The following MICU1 variants were observed in gnomAD, a reference collection of about 807,000 sequenced individuals.
MICU1 encodes the protein mitochondrial calcium uptake 1.
In MICU1, 45 loss-of-function variants were observed where a neutral mutation model predicts 56.8. That is an observed-to-expected ratio of 0.79 (90% CI 0.62 to 1.02). MICU1 has a LOEUF of 1.02. Among genes scored for constraint, MICU1 ranks in the 50% least tolerant of loss-of-function variants. The pLI is 0.00. For missense variants in MICU1, 504 were observed against 587.1 expected (o/e 0.86, Z 1.46); for synonymous variants, 186 against 195.1 (o/e 0.95, Z 0.39).
At chr10:72,448,193 ATTTTTTTTT>A (rs71018289) in intron 8 of MICU1, among the ~76,000 whole-genome samples, 6 of 36,834 alleles carry the variant, frequency 1.6e-4, no homozygotes, top group Admixed American at 5.4e-4. Context: ...ATATATATAT[ATTTTTTTTT>A]TTTTTTTTTT....
At chr10:72,465,039 C>T (rs1016433830) in intron 8 of MICU1, among the ~76,000 whole-genome samples, 12 of 152,148 alleles carry the variant, frequency 7.9e-5, no homozygotes, top group African/African-American at 2.4e-4. Flanking sequence ...CTTGCTCTGT[C>T]GCCCAGGCTG....
intron 10 of MICU1, among the ~76,000 whole-genome samples, chr10:72,402,579 A>T (rs1399649291): frequency 1.3e-5 from 2 of 152,112 alleles, no homozygotes; most frequent in Admixed American, 6.6e-5. Context: ...AAAAACAAAA[A>T]ACAAAAAAAC....
chr10:72,540,741 C>T (rs1311709213), intron 4 of MICU1, among the ~76,000 whole-genome samples: 2 of 152,184 alleles, frequency 1.3e-5, no homozygotes, highest in Non-Finnish European at 2.9e-5. Context: ...TTACTTCCTT[C>T]CCACTGACCT....
At chr10:72,460,266 C>T (rs1438204448) in intron 8 of MICU1, among the ~76,000 whole-genome samples, 1 of 152,164 alleles carries the variant, frequency 6.6e-6, no homozygotes, top group Admixed American at 6.6e-5. Context: ...TGCTCTATTT[C>T]CCTAGAATGC....
intron 6 of MICU1, among the ~76,000 whole-genome samples, chr10:72,505,939 G>A (rs775092896): frequency 2.7e-5 from 4 of 149,828 alleles, no homozygotes; most frequent in Non-Finnish European, 3.0e-5. Context: ...AAACTTGTAC[G>A]TGTCCTCTCT....
chr10:72,422,289 G>C (rs1189676847), intron 9 of MICU1, among the ~76,000 whole-genome samples: 1 of 152,216 alleles, frequency 6.6e-6, no homozygotes, highest in Non-Finnish European at 1.5e-5. Flanking sequence ...GGCAGGAGGA[G>C]AGCTCTTATC....
chr10:72,549,053 A>G (rs1199312450), intron 4 of MICU1, among the ~76,000 whole-genome samples: 1 of 152,124 alleles, frequency 6.6e-6, no homozygotes, highest in Non-Finnish European at 1.5e-5. Context: ...TGATGGTTCT[A>G]TATAGTTTTT....
intron 8 of MICU1, among the ~76,000 whole-genome samples, chr10:72,462,054 C>G (rs563631801): frequency 6.6e-6 from 1 of 152,234 alleles, no homozygotes; most frequent in South Asian, 2.1e-4. Context: ...GTTATTTAGC[C>G]TCTTATTGCC....
intron 11 of MICU1, among the ~76,000 whole-genome samples, chr10:72,374,108 G>A (rs945358289): frequency 3.3e-5 from 5 of 152,168 alleles, no homozygotes; most frequent in African/African-American, 9.7e-5. Context: ...ATAGGCTGGA[G>A]ATTTATTTTA....
Position 72,373,352 on chromosome 10 carries a change from T to C in MICU1, c.1270+2431A>G, listed in dbSNP as rs967918090. Among the ~76,000 whole-genome samples, 7 of 151,942 alleles carry C rather than the reference T, an allele frequency of 4.6e-5. No homozygotes were observed. The South Asian group carries it at 1.5e-3, about 31-fold the overall frequency. ...CACTACCACACCTTGGCTAAACTTA[T>C]TTTTTGTAGCGATGGGATCTCGCTA... On this transcript the variant is annotated intron_variant, in intron 11 of 11. Transcript: ENST00000361114.
chr10:72,525,911 C>T (rs74148017), intron 5 of MICU1, among the ~76,000 whole-genome samples: 5,169 of 152,242 alleles, frequency 0.034, 285 homozygotes, highest in African/African-American at 0.11. Flanking sequence ...CTCTTCATCC[C>T]ACTCTATTAC....
intron 10 of MICU1, among the ~76,000 whole-genome samples, chr10:72,377,385 G>T (rs189789800): frequency 1.3e-5 from 2 of 152,214 alleles, no homozygotes; most frequent in Non-Finnish European, 2.9e-5. Flanking sequence ...CTCTCAAAGT[G>T]CTGGGATTAC....
intron 5 of MICU1, chr10:72,531,725 T>TA (rs1333427189): frequency 6.7e-6 from 1 of 148,402 alleles, no homozygotes; most frequent in Non-Finnish European, 1.5e-5. Flanking sequence ...TCAAAAAAAA[T>TA]AAAAAATAAA....
At chr10:72,606,209 T>G (rs1211841321) in intron 1 of MICU1, among the ~76,000 whole-genome samples, 1 of 151,950 alleles carries the variant, frequency 6.6e-6, no homozygotes. Context: ...ATGCAAATAT[T>G]TAATTAAAAT....
At chr10:72,566,048 T>TC (rs929099102) in intron 2 of MICU1, among the ~76,000 whole-genome samples, 2 of 144,278 alleles carry the variant, frequency 1.4e-5, no homozygotes, top group African/African-American at 2.5e-5. Flanking sequence ...TCTTTTTTTT[T>TC]TTTTTTTTTT....
chr10:72,395,047 C>T (rs889108953), intron 10 of MICU1, among the ~76,000 whole-genome samples: 5 of 151,792 alleles, frequency 3.3e-5, no homozygotes, highest in Non-Finnish European at 5.9e-5. Flanking sequence ...GGCGTGGTGG[C>T]GGGTGCCTGT....
intron 8 of MICU1, among the ~76,000 whole-genome samples, chr10:72,464,280 A>G (rs1865721763): frequency 1.6e-5 from 2 of 122,204 alleles, no homozygotes; most frequent in South Asian, 2.9e-4. Flanking sequence ...GGGGTGACAG[A>G]GTGAGATTCT....
At chr10:72,595,618 C>G (rs141333970) in intron 1 of MICU1, among the ~76,000 whole-genome samples, 15 of 152,244 alleles carry the variant, frequency 9.9e-5, no homozygotes, top group African/African-American at 3.6e-4. Flanking sequence ...ACCACTTCTT[C>G]CACACTTCTG....
intron 1 of MICU1, among the ~76,000 whole-genome samples, chr10:72,583,397 C>T (rs531626150): frequency 3.3e-5 from 5 of 152,022 alleles, no homozygotes; most frequent in East Asian, 1.9e-4. Flanking sequence ...TCTCCTGCCT[C>T]AGTCTCCCAA....
Sources: allele counts gnomAD v4.1 joint callset (sites outside exome capture counted in the v4.1 genomes callset), GRCh38; gene constraint gnomAD v4.1.1; transcripts MANE v1.5; gene names NCBI Gene and HGNC (gene_info 2026-07-23, HGNC 2026-07-21).